Variants in CGNL1 observed in about 807,000 individuals in gnomAD.
CGNL1 encodes the protein cingulin like 1.
A neutral mutation model predicts 141.2 loss-of-function variants in CGNL1; 132 were observed. The ratio of observed to expected loss-of-function variants is 0.93; its 90% confidence interval spans 0.81 to 1.08. The LOEUF is 1.08. Ranked by LOEUF, CGNL1 falls within the 50% of genes least tolerant of loss-of-function variation. The pLI is 0.00. For synonymous variants in CGNL1, 690 were observed against 622.1 expected, an observed-to-expected ratio of 1.11 and a Z score of -1.63; for missense variants, 1,870 against 1,588.6, an observed-to-expected ratio of 1.18 and a Z score of -3.01.
rs376234948 is a variant in CGNL1 at position 57,439,114 on chromosome 15, C to G, written c.1115C>G (p.Ser372Cys). The G allele has an allele frequency of 5.0e-6, 8 of 1,614,044 alleles. No individual in the cohort carries two copies. The highest frequency in any genetic ancestry group is 2.7e-5 in the African/African-American group (2 of 74,918). Residue 372 changes from serine to cysteine, a missense_variant, in exon 2 of 19, where the codon TCT becomes TGT. Transcript: ENST00000281282. ...QKPGLQRRGR[S>C]GKRNRINTDD... Reference sequence around the variant, plus strand: ...CCTGGGCTTCAGAGAAGAGGAAGGTCTGGGAAGCGAAACAGAATTAATACA... The same window carrying G: ...CCTGGGCTTCAGAGAAGAGGAAGGTGTGGGAAGCGAAACAGAATTAATACA...
intron 14 of CGNL1, among the ~76,000 whole-genome samples, chr15:57,539,312 C>G (rs2140221531): frequency 6.6e-6 from 1 of 152,294 alleles, no homozygotes; most frequent in South Asian, 2.1e-4. Flanking sequence ...TTCCACCAAG[C>G]CCTGGAGGAT....
At chr15:57,416,385 A>T (rs773701415) in intron 1 of CGNL1, among the ~76,000 whole-genome samples, 4 of 152,044 alleles carry the variant, frequency 2.6e-5, no homozygotes, top group African/African-American at 4.8e-5. Context: ...ACCTCAGCTC[A>T]CCACCTCTTC....
At chr15:57,393,312 A>G (rs1440758440) in intron 1 of CGNL1, among the ~76,000 whole-genome samples, 1 of 152,224 alleles carries the variant, frequency 6.6e-6, no homozygotes, top group Non-Finnish European at 1.5e-5. Flanking sequence ...GAGCTATGGT[A>G]AGATCATTTC....
intron 1 of CGNL1, among the ~76,000 whole-genome samples, chr15:57,412,608 CT>C (rs1296405970): frequency 6.6e-6 from 1 of 152,190 alleles, no homozygotes; most frequent in Non-Finnish European, 1.5e-5. Flanking sequence ...AACTCATTGT[CT>C]CCTGAAACAG....
chr15:57,442,248 A>C (rs2063198677), intron 3 of CGNL1, 125 bp from the exon 4 acceptor site: 1 of 408,294 alleles, frequency 2.4e-6, no homozygotes, highest in Non-Finnish European at 4.5e-6. Flanking sequence ...CTGAGGCTTT[A>C]ATTAATTCAC....
intron 1 of CGNL1, among the ~76,000 whole-genome samples, chr15:57,433,471 T>A (rs2063068892): frequency 6.6e-6 from 1 of 152,152 alleles, no homozygotes; most frequent in Admixed American, 6.5e-5. Context: ...GCAGGGGTGA[T>A]CCCCGGGCTG....
intron 16 of CGNL1, 54 bp downstream of exon 16, chr15:57,544,651 C>T (rs1226543950): frequency 2.3e-5 from 36 of 1,546,194 alleles, no homozygotes; most frequent in Non-Finnish European, 2.9e-5. Flanking sequence ...AGTGACAGTC[C>T]CATCGCAATG....
At chr15:57,505,467 G>T (rs2064088865) in intron 8 of CGNL1, among the ~76,000 whole-genome samples, 1 of 152,132 alleles carries the variant, frequency 6.6e-6, no homozygotes, top group South Asian at 2.1e-4. Context: ...GCTGGCTATT[G>T]ACCCAGGTAG....
In CGNL1 at chr15:57,534,697, T is replaced by C. The variant is rs932153995; in HGVS notation, c.3291+2918T>C. Among the ~76,000 whole-genome samples the C allele has an allele frequency of 2.6e-5, 4 of 152,170 alleles. No homozygotes were observed. The South Asian group carries it at 8.3e-4, about 32-fold the overall frequency. ...GCCGCTTTTCCTCTCCCCCATCAAA[T>C]GCTGACCTTATGACATCTCCTTAAC... On this transcript the variant is annotated intron_variant, in intron 14 of 18. Transcript: ENST00000281282.
intron 1 of CGNL1, among the ~76,000 whole-genome samples, chr15:57,422,219 AT>A (rs5812897): frequency 0.44 from 64,309 of 145,036 alleles, 13,816 homozygotes; most frequent in East Asian, 0.61. Flanking sequence ...CCTTGCAGTT[AT>A]TTTTTTTTTT....
intron 8 of CGNL1, among the ~76,000 whole-genome samples, chr15:57,504,713 C>G (rs1327042343): frequency 6.6e-6 from 1 of 152,158 alleles, no homozygotes; most frequent in South Asian, 2.1e-4. Flanking sequence ...CATTAATGGG[C>G]TCTTGGAGCT....
intron 1 of CGNL1, among the ~76,000 whole-genome samples, chr15:57,435,032 G>A (rs2063088597): frequency 6.6e-6 from 1 of 152,066 alleles, no homozygotes; most frequent in Non-Finnish European, 1.5e-5. Context: ...CAAATTACCT[G>A]ATATTTTGAT....
chr15:57,497,293 C>G (rs1303891911), intron 8 of CGNL1, among the ~76,000 whole-genome samples: 1 of 150,432 alleles, frequency 6.6e-6, no homozygotes, highest in Non-Finnish European at 1.5e-5. Flanking sequence ...TCTGCCCTGA[C>G]AGGCGGAACT....
intron 11 of CGNL1, 138 bp downstream of exon 11, chr15:57,523,779 G>T: frequency 3.6e-6 from 3 of 841,938 alleles, no homozygotes. Context: ...CAGATCCCAA[G>T]AGGCAGCTCT....
chr15:57,462,535 G>A (rs1354996018), intron 8 of CGNL1, among the ~76,000 whole-genome samples: 1 of 152,146 alleles, frequency 6.6e-6, no homozygotes, highest in Non-Finnish European at 1.5e-5. Context: ...AGGGGAAAAT[G>A]GTTTGAAATG....
intron 8 of CGNL1, among the ~76,000 whole-genome samples, chr15:57,476,443 T>C (rs2922220): frequency 0.43 from 65,753 of 152,124 alleles, 14,614 homozygotes; most frequent in Non-Finnish European, 0.48. Flanking sequence ...TAGTTTTGTT[T>C]GCATTCATGT....
At chr15:57,490,322 T>C (rs2063841404) in intron 8 of CGNL1, among the ~76,000 whole-genome samples, 1 of 152,040 alleles carries the variant, frequency 6.6e-6, no homozygotes, top group African/African-American at 2.4e-5. Context: ...GATGTTAACG[T>C]GGGCAGGCTT....
At chr15:57,474,495 C>T (rs536802877) in intron 8 of CGNL1, among the ~76,000 whole-genome samples, 5 of 152,186 alleles carry the variant, frequency 3.3e-5, no homozygotes, top group South Asian at 2.1e-4. Context: ...TCCTTCATAT[C>T]GTCAGTACTT....
rs144916548 is a variant in CGNL1, at chr15:57,396,725, T to G, written c.-16+20158T>G. The stretch of plus-strand genomic sequence containing the variant: ...TCCCACCTAGCAGAGGGTTCAGTGG[T>G]TCTGTCCTAACACTGTAATGACTAT... On this transcript the variant is annotated intron_variant, in intron 1 of 18. Transcript: ENST00000281282. 3.1e-3 allele frequency among the ~76,000 whole-genome samples: 466 copies of G among 152,296 alleles called. 5 individuals carry two copies. Among genetic ancestry groups the G allele is most frequent in the African/African-American group, 0.011 (454 of 41,548 alleles).
Sources: allele counts gnomAD v4.1 joint callset (sites outside exome capture counted in the v4.1 genomes callset), GRCh38; gene constraint gnomAD v4.1.1; transcripts MANE v1.5; gene names NCBI Gene and HGNC (gene_info 2026-07-23, HGNC 2026-07-21).